The following RPS6KC1 variants were observed in gnomAD, a reference collection of about 807,000 sequenced individuals.
RPS6KC1 encodes inactive ribosomal protein S6 kinase delta-1.
RPS6KC1 carries 54 observed loss-of-function variants against 103.8 expected under a neutral mutation model. The ratio of observed to expected loss-of-function variants is 0.52; its 90% CI spans 0.42 to 0.65. The LOEUF (loss-of-function observed/expected upper bound fraction) is 0.65, where lower values mean the gene tolerates loss of function less well. RPS6KC1 is among the 30% of genes least tolerant of loss of function. The pLI is 0.00. For missense variants in RPS6KC1, 1,151 were observed against 1,253.8 expected, an observed-to-expected ratio of 0.92 and a Z score of 1.24; for synonymous variants, 439 against 438.7, an observed-to-expected ratio of 1.00 and a Z score of -0.01.
At chr1:213,583,820 C>CAAAAAAA in the RPS6KC1 span, among the ~76,000 whole-genome samples, 10 of 75,866 alleles carry the variant, frequency 1.3e-4, no homozygotes, top group South Asian at 5.3e-4. Context: ...GATTCTGTCT[C>CAAAAAAA]AAAAAAAAAA....
the RPS6KC1 span, among the ~76,000 whole-genome samples, chr1:213,672,032 T>C: frequency 6.6e-6 from 1 of 152,110 alleles, no homozygotes. Context: ...ACAGGTCACT[T>C]TAGCCACATT....
the RPS6KC1 span, among the ~76,000 whole-genome samples, chr1:213,558,819 G>A: frequency 6.6e-6 from 1 of 152,182 alleles, no homozygotes; most frequent in Non-Finnish European, 1.5e-5. Flanking sequence ...CAAACATGGA[G>A]CTGTAACCAA....
the RPS6KC1 span, among the ~76,000 whole-genome samples, chr1:213,324,961 C>T: frequency 2.0e-5 from 3 of 152,080 alleles, no homozygotes; most frequent in African/African-American, 7.2e-5. Context: ...TTCCCTGCTC[C>T]CAGCCTCATT....
the RPS6KC1 span, among the ~76,000 whole-genome samples, chr1:213,528,122 G>A: frequency 8.5e-5 from 13 of 152,176 alleles, no homozygotes; most frequent in East Asian, 1.5e-3. Flanking sequence ...GTACTAGTCC[G>A]TTCTCACACT....
the RPS6KC1 span, among the ~76,000 whole-genome samples, chr1:213,827,222 C>T: frequency 6.6e-6 from 1 of 152,208 alleles, no homozygotes. Context: ...TGAAGCTTCA[C>T]AGCTAAGGCT....
the RPS6KC1 span, among the ~76,000 whole-genome samples, chr1:213,663,610 G>C: frequency 1.3e-5 from 2 of 152,262 alleles, no homozygotes; most frequent in South Asian, 4.1e-4. Flanking sequence ...GCAGAAAAAG[G>C]CACCATTAAA....
chr1:213,466,475 G>A, the RPS6KC1 span, among the ~76,000 whole-genome samples: 1 of 152,172 alleles, frequency 6.6e-6, no homozygotes, highest in Non-Finnish European at 1.5e-5. Context: ...TACCAGTCCT[G>A]GGGTGGCCAG....
At chr1:213,478,745 C>T in the RPS6KC1 span, among the ~76,000 whole-genome samples, 1 of 152,056 alleles carries the variant, frequency 6.6e-6, no homozygotes, top group Admixed American at 6.5e-5. Flanking sequence ...TTTTAGAAGA[C>T]AATCTTTTAT....
the RPS6KC1 span, among the ~76,000 whole-genome samples, chr1:213,808,810 C>G: frequency 2.0e-5 from 3 of 152,360 alleles, no homozygotes; most frequent in African/African-American, 7.2e-5. Context: ...CTGTCTGGCA[C>G]TCCCTAGTGA....
rs965024231 is a variant in RPS6KC1 at position 213,153,478 on chromosome 1, C to T, written c.836-14380C>T. On this transcript the variant is annotated intron_variant, in intron 6 of 14. Coordinates refer to ENST00000366960, the MANE Select transcript of RPS6KC1 (RefSeq NM_012424.6). ...AAAAGGAAGAATAATAAAAACTCTACACCTTAACTTTGTCCCCCAGCTTTT... is the reference window on the plus strand; with the variant it reads ...AAAAGGAAGAATAATAAAAACTCTATACCTTAACTTTGTCCCCCAGCTTTT... 1.3e-5 allele frequency among the ~76,000 whole-genome samples: 2 copies of T among 152,176 alleles called. 1 individual carries two copies. The highest frequency in any genetic ancestry group is 1.3e-4 in the Admixed American group (2 of 15,288).
the RPS6KC1 span, among the ~76,000 whole-genome samples, chr1:213,465,865 A>G: frequency 6.6e-6 from 1 of 152,058 alleles, no homozygotes; most frequent in Non-Finnish European, 1.5e-5. Flanking sequence ...TGTGATTCCC[A>G]GGCTCAGTCC....
chr1:213,151,273 T>C (rs2088822149), intron 6 of RPS6KC1, among the ~76,000 whole-genome samples: 1 of 115,386 alleles, frequency 8.7e-6, no homozygotes, highest in Non-Finnish European at 1.8e-5. Flanking sequence ...GAGGGGCTCC[T>C]CACTTCCCAG....
the RPS6KC1 span, among the ~76,000 whole-genome samples, chr1:213,507,284 G>A: frequency 6.6e-6 from 1 of 152,116 alleles, no homozygotes; most frequent in Non-Finnish European, 1.5e-5. Context: ...CACGCAACCT[G>A]CCTGGCTCTG....
At chr1:213,598,943 A>G in the RPS6KC1 span, among the ~76,000 whole-genome samples, 40 of 152,102 alleles carry the variant, frequency 2.6e-4, no homozygotes, top group African/African-American at 9.7e-4. Flanking sequence ...ACAAAACCAA[A>G]AAAACTGCAT....
At chr1:213,614,420 C>G in the RPS6KC1 span, among the ~76,000 whole-genome samples, 2 of 152,228 alleles carry the variant, frequency 1.3e-5, no homozygotes, top group Admixed American at 1.3e-4. Flanking sequence ...GAGAGCCACA[C>G]CTTTGATAGC....
chr1:213,552,990 CT>C, the RPS6KC1 span, among the ~76,000 whole-genome samples: 35,626 of 147,850 alleles, frequency 0.24, 4,311 homozygotes, highest in East Asian at 0.4. Context: ...TATTACCATT[CT>C]TTTTTTTTTT....
the RPS6KC1 span, among the ~76,000 whole-genome samples, chr1:213,589,583 A>G: frequency 5.3e-5 from 8 of 151,556 alleles, no homozygotes; most frequent in African/African-American, 1.9e-4. Context: ...TGGAGGTTGC[A>G]GTGAGCCGAG....
the RPS6KC1 span, among the ~76,000 whole-genome samples, chr1:213,286,900 T>A: frequency 6.6e-6 from 1 of 152,200 alleles, no homozygotes; most frequent in Non-Finnish European, 1.5e-5. Flanking sequence ...CACAGAAACA[T>A]GTTGACTGCC....
the RPS6KC1 span, chr1:213,818,573 AG>A: frequency 1.3e-5 from 2 of 152,200 alleles, no homozygotes; most frequent in African/African-American, 4.8e-5. Flanking sequence ...TGTATTTCCA[AG>A]GTATGTCTGT....
Sources: gnomAD v4.1 joint callset for allele counts (sites outside exome capture counted in the v4.1 genomes callset) on GRCh38, gnomAD v4.1.1 for gene constraint, MANE v1.5 for transcripts, NCBI Gene and HGNC (gene_info 2026-07-23, HGNC 2026-07-21) for gene names.